Variants in LMX1A observed in about 807,000 individuals in gnomAD.
LMX1A encodes LIM homeobox transcription factor 1-alpha.
A neutral mutation model predicts 49.1 loss-of-function variants in LMX1A; 15 were observed. That is an observed-to-expected ratio of 0.31 (90% CI 0.20 to 0.47). LMX1A has a LOEUF of 0.47. Ranked by LOEUF, LMX1A falls within the 20% of genes least tolerant of loss-of-function variation. The pLI, the probability that LMX1A is intolerant of heterozygous loss-of-function variation, is 1.00. For missense variants in LMX1A, 372 were observed against 475.8 expected, an observed-to-expected ratio of 0.78 and a Z score of 2.03; for synonymous variants, 167 against 185.7, an observed-to-expected ratio of 0.90 and a Z score of 0.82.
intron 4 of LMX1A, among the ~76,000 whole-genome samples, chr1:165,232,180 C>A (rs1040816035): frequency 6.6e-6 from 1 of 152,172 alleles, no homozygotes; most frequent in Admixed American, 6.5e-5. Context: ...CAGCAAAGGG[C>A]CCCAGACCAG....
intron 3 of LMX1A, among the ~76,000 whole-genome samples, chr1:165,340,653 G>T (rs892905689): frequency 2.6e-5 from 4 of 152,122 alleles, no homozygotes; most frequent in Admixed American, 1.3e-4. Flanking sequence ...TTTGTGTCCT[G>T]GCTAGTTTCC....
chr1:165,296,944 A>C (rs1654637844), intron 3 of LMX1A, among the ~76,000 whole-genome samples: 1 of 152,252 alleles, frequency 6.6e-6, no homozygotes, highest in Admixed American at 6.5e-5. Context: ...ATTTGTAACA[A>C]GTTCCTTGGA....
At chr1:165,343,052 A>T (rs1656122853) in intron 3 of LMX1A, among the ~76,000 whole-genome samples, 2 of 152,238 alleles carry the variant, frequency 1.3e-5, no homozygotes, top group Non-Finnish European at 2.9e-5. Flanking sequence ...GAGGATCAAT[A>T]GAGATAATAT....
chr1:165,309,216 C>G (rs532851148), intron 3 of LMX1A, among the ~76,000 whole-genome samples: 1 of 152,244 alleles, frequency 6.6e-6, no homozygotes, highest in East Asian at 1.9e-4. Context: ...GCACGCTCCC[C>G]ACCCCCAGCC....
chr1:165,275,941 C>T (rs1442331001), intron 3 of LMX1A, among the ~76,000 whole-genome samples: 1 of 150,820 alleles, frequency 6.6e-6, no homozygotes, highest in Non-Finnish European at 1.5e-5. Flanking sequence ...TGAGAGCAGA[C>T]TGGGGCTAGG....
intron 3 of LMX1A, among the ~76,000 whole-genome samples, chr1:165,258,199 A>C (rs978107203): frequency 6.6e-6 from 1 of 152,254 alleles, no homozygotes; most frequent in Non-Finnish European, 1.5e-5. Context: ...ATTGGCCATA[A>C]GCCAAAACTG....
intron 3 of LMX1A, among the ~76,000 whole-genome samples, chr1:165,343,991 C>CCAACT (rs1419297289): frequency 6.6e-6 from 1 of 152,192 alleles, no homozygotes; most frequent in African/African-American, 2.4e-5. Context: ...TAGCTAAGAG[C>CCAACT]CAACTCTAGC....
intron 4 of LMX1A, among the ~76,000 whole-genome samples, chr1:165,225,910 T>C (rs1335606955): frequency 6.6e-6 from 1 of 152,122 alleles, no homozygotes; most frequent in Non-Finnish European, 1.5e-5. Context: ...ATGTGAGCAA[T>C]CACAGCACAT....
chr1:165,341,655 G>A (rs1656080033), intron 3 of LMX1A, among the ~76,000 whole-genome samples: 1 of 151,646 alleles, frequency 6.6e-6, no homozygotes, highest in South Asian at 2.1e-4. Flanking sequence ...ATAGCACATA[G>A]TAATACAGAA....
intron 3 of LMX1A, among the ~76,000 whole-genome samples, chr1:165,253,015 T>A (rs907848886): frequency 6.6e-6 from 1 of 152,190 alleles, no homozygotes; most frequent in East Asian, 1.9e-4. Flanking sequence ...TCTGTGTCTT[T>A]ATAGGGAGGG....
In LMX1A at chr1:165,252,193, T is replaced by G. The variant is rs571160844; in HGVS notation, c.264-2553A>C. Reference sequence around the variant, plus strand: ...AATATTTATATACTCTCACACATGGTGGGTACTCACTAAAAGTTGATATTA... The same window carrying G: ...AATATTTATATACTCTCACACATGGGGGGTACTCACTAAAAGTTGATATTA... On this transcript the variant is annotated intron_variant, in intron 3 of 8. Transcript: ENST00000342310. 4.6e-5 allele frequency among the ~76,000 whole-genome samples: 7 copies of G among 152,318 alleles called. No individual in the cohort carries two copies. In the South Asian group the frequency reaches 1.5e-3, roughly 32 times the overall value.
intron 3 of LMX1A, among the ~76,000 whole-genome samples, chr1:165,315,309 T>A (rs1419626593): frequency 6.6e-6 from 1 of 152,080 alleles, no homozygotes; most frequent in Non-Finnish European, 1.5e-5. Flanking sequence ...AACTCCCCTC[T>A]CCCAACATCC....
At chr1:165,324,459 G>A (rs141158144) in intron 3 of LMX1A, among the ~76,000 whole-genome samples, 67 of 152,282 alleles carry the variant, frequency 4.4e-4, no homozygotes, top group African/African-American at 1.5e-3. Context: ...AAGAAGCTGT[G>A]AGTGAAATTA....
chr1:165,264,932 G>A (rs866506367), intron 3 of LMX1A, among the ~76,000 whole-genome samples: 9 of 152,046 alleles, frequency 5.9e-5, no homozygotes, highest in Middle Eastern at 6.8e-3. Context: ...GGCCGGGCGC[G>A]GTGGCTCACA....
intron 3 of LMX1A, among the ~76,000 whole-genome samples, chr1:165,295,453 A>T (rs1186255288): frequency 2.0e-5 from 3 of 147,732 alleles, no homozygotes; most frequent in Non-Finnish European, 3.0e-5. Context: ...TAATATATAA[A>T]ATATATATAT....
intron 3 of LMX1A, among the ~76,000 whole-genome samples, chr1:165,307,423 GA>G (rs34268778): frequency 2.0e-5 from 3 of 152,288 alleles, no homozygotes; most frequent in Non-Finnish European, 2.9e-5. Flanking sequence ...CAGATAGGTA[GA>G]AAAAAATGAG....
At chr1:165,223,809 T>TAAA (rs34471342) in intron 4 of LMX1A, among the ~76,000 whole-genome samples, 4 of 144,828 alleles carry the variant, frequency 2.8e-5, no homozygotes, top group Non-Finnish European at 4.6e-5. Context: ...GTACAAACTT[T>TAAA]AAAAAAAAAA....
At chr1:165,253,555 C>T (rs948273955) in intron 3 of LMX1A, among the ~76,000 whole-genome samples, 1 of 152,178 alleles carries the variant, frequency 6.6e-6, no homozygotes, top group Non-Finnish European at 1.5e-5. Flanking sequence ...GATGATGAAG[C>T]CACCTCTCAG....
In LMX1A at chr1:165,203,798, C is replaced by T; in HGVS notation, c.*82G>A. On this transcript the variant is annotated 3_prime_UTR_variant, in exon 9 of 9. Transcript: ENST00000342310. ...CTCCCCAACCCACCTCTTCCCTGGCCTCCCTGTCCTAAAGCCAGTGACCCC... is the reference window on the plus strand; with the variant it reads ...CTCCCCAACCCACCTCTTCCCTGGCTTCCCTGTCCTAAAGCCAGTGACCCC... 7.1e-7 allele frequency: 1 copy of T among 1,400,226 alleles called. No homozygotes were observed. Among genetic ancestry groups the T allele is most frequent in the Non-Finnish European group, 1.0e-6 (1 of 1,004,188 alleles). 86.7% of individuals were successfully genotyped at this position (1,400,226 alleles called of 1,614,324 possible).
Sources: gnomAD v4.1 joint callset for allele counts (sites outside exome capture counted in the v4.1 genomes callset) on GRCh38, gnomAD v4.1.1 for gene constraint, MANE v1.5 for transcripts, NCBI Gene and HGNC (gene_info 2026-07-23, HGNC 2026-07-21) for gene names.